PNPLA2: variants seen among roughly 807,000 people sequenced by gnomAD.
PNPLA2 encodes patatin-like phospholipase domain-containing protein 2.
Under a neutral mutation model 39.7 loss-of-function variants are expected in PNPLA2, and 28 were observed. The ratio of observed to expected loss-of-function variants is 0.70; its 90% confidence interval spans 0.52 to 0.97. The LOEUF (loss-of-function observed/expected upper bound fraction) is 0.97, where lower values mean the gene tolerates loss of function less well. Among genes scored for constraint, PNPLA2 ranks in the 50% least tolerant of loss-of-function variants. The probability of loss-of-function intolerance (pLI) is 0.00; values close to 1 mark genes in which losing one functional copy is unlikely to be tolerated. For synonymous variants in PNPLA2, 392 were observed against 321.1 expected (o/e 1.22, Z -2.36); for missense variants, 768 against 698.2 (o/e 1.10, Z -1.13).
rs869320738 is a variant in PNPLA2, at chr11:823,588, G to T, written c.757+1G>T. On this transcript the variant is annotated splice_donor_variant, in intron 6 of 9. Coordinates refer to ENST00000336615, the MANE Select transcript of PNPLA2 (RefSeq NM_020376.4). LOFTEE classifies it high-confidence loss of function. Reference sequence around the variant, plus strand: ...GGCCTGCGCTTTCTGCAGCGGAACGGTGCGCGGACCCGGGCGGGAGAGGGC... The same window carrying T: ...GGCCTGCGCTTTCTGCAGCGGAACGTTGCGCGGACCCGGGCGGGAGAGGGC... The T allele has an allele frequency of 1.9e-6, 3 of 1,610,228 alleles. No individual in the cohort carries two copies. The highest frequency in any genetic ancestry group is 4.5e-5 in the East Asian group (2 of 44,744).
At chr11:819,348 T>TA in intron 1 of PNPLA2, 1 of 939,202 alleles carries the variant, frequency 1.1e-6, no homozygotes, top group African/African-American at 1.8e-5. Flanking sequence ...CCTACACCCC[T>TA]AGGCGTGTGC....
At position 822,825 on chromosome 11, in the gene PNPLA2, T is replaced by C. The variant is rs1445532970; in HGVS notation, c.696+219T>C. Among the ~76,000 whole-genome samples the C allele has an allele frequency of 2.3e-3, 343 of 150,766 alleles. 1 individual carries two copies. The highest frequency in any genetic ancestry group is 7.9e-3 in the African/African-American group (324 of 41,206). ...TCCCTGTCCAGTCTCTCTCTCTTTT[T>C]TTTTTTTTTTTTTGTTTGAGACGGA... On this transcript the variant is annotated intron_variant, in intron 5 of 9. Transcript: ENST00000336615.
Position 823,958 on chromosome 11 carries a change from C to G in PNPLA2, c.920-40C>G, listed in dbSNP as rs1330386155. The G allele has an allele frequency of 2.6e-6, 4 of 1,561,780 alleles. No individual in the cohort carries two copies. In the East Asian group the frequency reaches 9.5e-5, roughly 37 times the overall value. On this transcript the variant is annotated intron_variant, in intron 7 of 9. Transcript: ENST00000336615. ...GGGAAGCCGAGCGGGTCCTGGGCCC[C>G]GCTGCCTCCACTGGCCGCCGACCTC...
In PNPLA2 at chr11:819,800, T is replaced by C; in HGVS notation, c.82T>C (p.Cys28Arg). The change falls in exon 2 of 10, where the codon TGC becomes CGC. Residue 28 changes from cysteine (C) to arginine (R), a missense_variant. Physicochemically the swap from Cys to Arg is radical, Grantham distance 180 (BLOSUM62 -3). Transcript: ENST00000336615. ...LGVYYVGVAS[C>R]LREHAPFLVA... ...CGTCTACTACGTCGGCGTGGCCTCCTGCCTCCGCGAGCACGCGCCCTTCCT... is the reference window on the plus strand; with the variant it reads ...CGTCTACTACGTCGGCGTGGCCTCCCGCCTCCGCGAGCACGCGCCCTTCCT... 2 of 1,508,064 alleles carry C rather than the reference T, an allele frequency of 1.3e-6. No individual in the cohort carries two copies. Among genetic ancestry groups the C allele is most frequent in the South Asian group, 1.2e-5 (1 of 80,212 alleles). 93.4% of individuals were successfully genotyped at this position (1,508,064 alleles called of 1,614,324 possible).
At chr11:819,526 G>T (rs543276875) in intron 1 of PNPLA2, 48 bp from the exon 2 acceptor site, 32 of 1,264,362 alleles carry the variant, frequency 2.5e-5, no homozygotes, top group East Asian at 1.3e-4. Context: ...CCCCGCCCCC[G>T]CCGTGAGTCC....
chr11:821,231 T>G, intron 2 of PNPLA2: 1 of 313,276 alleles, frequency 3.2e-6, no homozygotes, highest in South Asian at 3.0e-5. Flanking sequence ...CTCCCGGGCC[T>G]GTGAACTGTG....
In PNPLA2 at chr11:819,636, G is replaced by C. The variant is rs909058907; in HGVS notation, c.-83G>C. 2.6e-5 allele frequency: 35 copies of C among 1,365,186 alleles called. No homozygotes were observed. Among genetic ancestry groups the C allele is most frequent in the Non-Finnish European group, 2.8e-5 (29 of 1,046,708 alleles). The allele number at this position is 1,365,186 out of a possible 1,614,324, so 84.6% of individuals were successfully genotyped here. A position where few individuals can be genotyped will look rare whatever the true frequency, so the allele number is the denominator to read the frequency against. On this transcript the variant is annotated 5_prime_UTR_variant, in exon 2 of 10. Coordinates refer to ENST00000336615, the MANE Select transcript of PNPLA2 (RefSeq NM_020376.4). The stretch of plus-strand genomic sequence containing the variant: ...CCGCAGCGGGACCTGCCCGGCCCCC[G>C]GCTCCAGCGAGCGAGCGGCGAGCAG...
At position 822,565 on chromosome 11, in the gene PNPLA2, C is replaced by G. The variant is rs140612115; in HGVS notation, c.655C>G (p.Leu219Val). ...CAGCATCCAGTTCAACCTGCGCAACCTCTACCGCCTCTCCAAGGCCCTCTT... is the reference window on the plus strand; with the variant it reads ...CAGCATCCAGTTCAACCTGCGCAACGTCTACCGCCTCTCCAAGGCCCTCTT... The part of the protein sequence containing the change: ...NTSIQFNLRN[L>V]YRLSKALFPP... Residue 219 changes from leucine to valine, a missense_variant, in exon 5 of 10, where the codon CTC becomes GTC. By Grantham distance (32) the Leu-to-Val change is conservative (BLOSUM62 1). Coordinates refer to ENST00000336615, the MANE Select transcript of PNPLA2 (RefSeq NM_020376.4). The G allele has an allele frequency of 6.2e-7, 1 of 1,613,842 alleles. No homozygotes were observed. Among genetic ancestry groups the G allele is most frequent in the African/African-American group, 1.3e-5 (1 of 74,938 alleles).
intron 2 of PNPLA2, chr11:820,891 G>C (rs1845645012): frequency 6.6e-6 from 1 of 152,578 alleles, no homozygotes; most frequent in Non-Finnish European, 1.5e-5. Flanking sequence ...CCCGAGCCAA[G>C]GACACCTCTC....
In PNPLA2 at chr11:821,801, G is replaced by A. The variant is rs1845672363; in HGVS notation, c.361G>A (p.Val121Met). The change falls in exon 3 of 10, where the codon GTG (valine) becomes ATG (methionine). Residue 121 changes from valine to methionine, a missense_variant. By Grantham distance (21) the Val-to-Met change is conservative. Coordinates refer to ENST00000336615, the MANE Select transcript of PNPLA2 (RefSeq NM_020376.4). ...GCGCCTGGGCATCTCCCTGACCCGC[G>A]TGTCAGACGGCGAGAATGTCATTAT... ...SGRLGISLTR[V>M]SDGENVIISH... The A allele has an allele frequency of 4.3e-6, 7 of 1,613,960 alleles. No individual in the cohort carries two copies. Among genetic ancestry groups the A allele is most frequent in the Non-Finnish European group, 4.2e-6 (5 of 1,180,030 alleles).
chr11:822,820 CTTT>C (rs528124756), intron 5 of PNPLA2, among the ~76,000 whole-genome samples: 1 of 131,480 alleles, frequency 7.6e-6, no homozygotes, highest in Non-Finnish European at 1.6e-5. Context: ...GTCTCTCTCT[CTTT>C]TTTTTTTTTT....
In PNPLA2 at chr11:823,818, T is replaced by G; in HGVS notation, c.882T>G (p.Asp294Glu). 1 of 1,598,816 alleles carries G rather than the reference T, an allele frequency of 6.3e-7. No homozygotes were observed. The highest frequency in any genetic ancestry group is 1.1e-5 in the South Asian group (1 of 89,234). ...AEDYSQLPGE[D>E]HILEHLPARL... ...ATTACTCGCAGCTGCCCGGAGAAGA[T>G]CACATCCTGGAGCACCTGCCCGCCC... Residue 294 changes from aspartate to glutamate, a missense_variant, in exon 7 of 10, where the codon GAT (aspartate) becomes GAG (glutamate). By Grantham distance (45) the Asp-to-Glu change is conservative. Transcript: ENST00000336615.
Position 822,571 on chromosome 11 carries a change from C to T in PNPLA2, c.661C>T (p.Arg221Cys), listed in dbSNP as rs538014722. ...SIQFNLRNLY[R>C]LSKALFPPEP... ...CCAGTTCAACCTGCGCAACCTCTAC[C>T]GCCTCTCCAAGGCCCTCTTCCCGCC... Residue 221 changes from arginine (R) to cysteine (C), a missense_variant, in exon 5 of 10, where the codon CGC becomes TGC. By Grantham distance (180) the Arg-to-Cys change is radical. Coordinates refer to ENST00000336615, the MANE Select transcript of PNPLA2 (RefSeq NM_020376.4). 1.1e-5 allele frequency: 17 copies of T among 1,613,954 alleles called. No homozygotes were observed. Among genetic ancestry groups the T allele is most frequent in the East Asian group, 4.5e-5 (2 of 44,892 alleles).
chr11:819,628 C>T lies in PNPLA2; in HGVS notation c.-91C>T. 7.5e-7 allele frequency: 1 copy of T among 1,332,608 alleles called. No homozygotes were observed. Among genetic ancestry groups the T allele is most frequent in the Non-Finnish European group, 9.7e-7 (1 of 1,026,144 alleles). 82.5% of individuals were successfully genotyped at this position (1,332,608 alleles called of 1,614,324 possible). A position where few individuals can be genotyped will look rare whatever the true frequency, so the allele number is the denominator to read the frequency against. ...AGCTAGAGCCGCAGCGGGACCTGCC[C>T]GGCCCCCGGCTCCAGCGAGCGAGCG... is the stretch of plus-strand genomic sequence containing the variant. On this transcript the variant is annotated 5_prime_UTR_variant, in exon 2 of 10. Transcript: ENST00000336615.
chr11:819,771 TC>T lies in PNPLA2; in HGVS notation c.54del (p.Gly19AlafsTer73). ...WNISFAGCGF[L>X]GVYYVGVASC... is the part of the protein sequence containing the mutation. ...ATCTCGTTCGCGGGCTGCGGCTTCC[TC>T]GGCGTCTACTACGTCGGCGTGGCCT... is the stretch of plus-strand genomic sequence containing the variant. On this transcript the variant is annotated frameshift_variant, in exon 2 of 10. Coordinates refer to ENST00000336615, the MANE Select transcript of PNPLA2 (RefSeq NM_020376.4). LOFTEE classifies it high-confidence loss of function. The T allele has an allele frequency of 6.6e-7, 1 of 1,516,386 alleles. No individual in the cohort carries two copies. Among genetic ancestry groups the T allele is most frequent in the Admixed American group, 2.0e-5 (1 of 48,824 alleles). 93.9% of individuals were successfully genotyped at this position (1,516,386 alleles called of 1,614,324 possible).
rs774103876 is a variant in PNPLA2 at position 823,807 on chromosome 11, C to G, written c.871C>G (p.Pro291Ala). ...SAQAEDYSQL[P>A]GEDHILEHLP... ...CCAAGCGGAGGATTACTCGCAGCTG[C>G]CCGGAGAAGATCACATCCTGGAGCA... Residue 291 changes from proline to alanine, a missense_variant, in exon 7 of 10, where the codon CCC (proline) becomes GCC (alanine). Coordinates refer to ENST00000336615, the MANE Select transcript of PNPLA2 (RefSeq NM_020376.4). The G allele has an allele frequency of 6.2e-7, 1 of 1,603,962 alleles. No homozygotes were observed. Among genetic ancestry groups the G allele is most frequent in the African/African-American group, 1.3e-5 (1 of 74,752 alleles).
chr11:822,370 C>G, intron 4 of PNPLA2, 27 bp from the exon 5 acceptor site: 1 of 1,597,508 alleles, frequency 6.3e-7, no homozygotes. Flanking sequence ...CCCTCACATA[C>G]GGTCCTGTCT....
chr11:822,251 G>A, intron 4 of PNPLA2, 146 bp from the exon 5 acceptor site: 2 of 825,750 alleles, frequency 2.4e-6, no homozygotes, highest in Non-Finnish European at 4.1e-6. Flanking sequence ...GCCCAGGCTG[G>A]CCCACAGCCA....
intron 5 of PNPLA2, among the ~76,000 whole-genome samples, 157 bp from the exon 6 acceptor site, chr11:823,370 C>T (rs1478149371): frequency 2.0e-5 from 3 of 152,146 alleles, no homozygotes; most frequent in Non-Finnish European, 4.4e-5. Context: ...TGTCCAACCT[C>T]CCTGTACAGC....
Sources: allele counts gnomAD v4.1 joint callset (sites outside exome capture counted in the v4.1 genomes callset), GRCh38; gene constraint gnomAD v4.1.1; transcripts MANE v1.5; gene names NCBI Gene and HGNC (gene_info 2026-07-23, HGNC 2026-07-21).